Variants in SLC25A48 observed in about 807,000 individuals in gnomAD.
SLC25A48 encodes CTC-321K16.1.
SLC25A48 carries 29 observed loss-of-function variants against 32.2 expected under a neutral mutation model. The ratio of observed to expected loss-of-function variants is 0.90; its 90% CI spans 0.67 to 1.23. The LOEUF is 1.23. Among genes scored for constraint, SLC25A48 ranks in the 50% most tolerant of loss-of-function variants. The pLI is 0.00. For synonymous variants in SLC25A48, 164 were observed against 172.3 expected (o/e 0.95, Z 0.38); for missense variants, 399 against 422.7 (o/e 0.94, Z 0.49).
chr5:135,789,937 G>T lies in SLC25A48; in HGVS notation c.-520-22586G>T, dbSNP rs539505517. ...ACAATATTACAAATAATTTCTCAAG[G>T]TGTACACTCACTGTGACATTAGGAG... On this transcript the variant is annotated intron_variant, in intron 3 of 10. Transcript: ENST00000646290. 1.9e-3 allele frequency among the ~76,000 whole-genome samples: 291 copies of T among 151,976 alleles called. 2 individuals are homozygous for T. Among genetic ancestry groups the T allele is most frequent in the African/African-American group, 6.8e-3 (281 of 41,418 alleles).
intron 3 of SLC25A48, among the ~76,000 whole-genome samples, chr5:135,638,407 G>T (rs921636558): frequency 9.8e-5 from 1 of 10,244 alleles, no homozygotes; most frequent in Non-Finnish European, 2.8e-4. Context: ...TTTGGTAGGT[G>T]GGGGAGGGGA....
intron 4 of SLC25A48, among the ~76,000 whole-genome samples, chr5:135,866,107 G>A (rs1423853150): frequency 2.6e-5 from 4 of 152,152 alleles, no homozygotes; most frequent in Non-Finnish European, 5.9e-5. Flanking sequence ...GTGACCCATA[G>A]GGCCTCATTT....
chr5:135,773,952 G>A (rs757547104), intron 3 of SLC25A48, among the ~76,000 whole-genome samples: 14 of 151,752 alleles, frequency 9.2e-5, no homozygotes, highest in Non-Finnish European at 2.1e-4. Context: ...CCCAGAGGAT[G>A]TAAACTTCCC....
intron 3 of SLC25A48, among the ~76,000 whole-genome samples, chr5:135,679,831 C>T (rs1437527969): frequency 2.0e-5 from 3 of 152,148 alleles, no homozygotes; most frequent in Non-Finnish European, 4.4e-5. Flanking sequence ...CTTGCTGTAG[C>T]TGCTTAGGTG....
intron 3 of SLC25A48, among the ~76,000 whole-genome samples, chr5:135,766,055 G>A (rs752841462): frequency 6.6e-6 from 1 of 151,432 alleles, no homozygotes; most frequent in Admixed American, 6.6e-5. Flanking sequence ...CCAAGGATAT[G>A]GTTTATAGTA....
chr5:135,796,537 T>C (rs1025696221), intron 3 of SLC25A48, among the ~76,000 whole-genome samples: 1 of 150,374 alleles, frequency 6.7e-6, no homozygotes, highest in African/African-American at 2.5e-5. Flanking sequence ...TTACTCCCCA[T>C]ATCGTTGAGG....
intron 3 of SLC25A48, among the ~76,000 whole-genome samples, chr5:135,792,036 C>A (rs1157556111): frequency 6.6e-6 from 1 of 151,648 alleles, no homozygotes; most frequent in Non-Finnish European, 1.5e-5. Context: ...GGGTGTTCAC[C>A]TCCTATGTTA....
intron 3 of SLC25A48, among the ~76,000 whole-genome samples, chr5:135,773,878 A>G (rs1395241452): frequency 6.6e-6 from 1 of 151,500 alleles, no homozygotes; most frequent in East Asian, 1.9e-4. Flanking sequence ...CAGGGACTGT[A>G]CACCACCAAT....
chr5:135,797,217 T>C (rs11242295), intron 3 of SLC25A48, among the ~76,000 whole-genome samples: 99,500 of 151,712 alleles, frequency 0.66, 34,606 homozygotes, highest in Non-Finnish European at 0.78. Flanking sequence ...CCCCATGTGA[T>C]ATTGTTTCTA....
rs570958118 is a variant in SLC25A48 at position 135,662,254 on chromosome 5, C to A, written c.-521+27298C>A. ...TCTCATGAAATCAGGATCCTAGTAA[C>A]CCCCTGGCCAGGATACGCTGCCTGC... On this transcript the variant is annotated intron_variant, in intron 3 of 10. Coordinates refer to the SLC25A48 transcript ENST00000646290. Among the ~76,000 whole-genome samples the A allele has an allele frequency of 2.0e-5, 3 of 152,264 alleles. No homozygotes were observed. In the East Asian group the frequency reaches 5.8e-4, roughly 29 times the overall value.
At chr5:135,852,533 C>T (rs370364932) in intron 3 of SLC25A48, 30 bp from the exon 4 acceptor site, 6 of 1,570,052 alleles carry the variant, frequency 3.8e-6, no homozygotes, top group Non-Finnish European at 5.2e-6. Context: ...CCGGGGTCCT[C>T]ACGCCTCTTC....
At chr5:135,742,637 C>T (rs1328354414) in intron 3 of SLC25A48, 5 of 609,920 alleles carry the variant, frequency 8.2e-6, no homozygotes, top group South Asian at 4.3e-5. Context: ...GACCGAACCT[C>T]GAATGTCACT....
intron 3 of SLC25A48, among the ~76,000 whole-genome samples, chr5:135,797,815 T>A (rs1165346014): frequency 6.6e-6 from 1 of 151,516 alleles, no homozygotes; most frequent in Admixed American, 6.6e-5. Context: ...TGATATTGTT[T>A]CTAAAATCAA....
chr5:135,720,389 G>A (rs927053910), intron 3 of SLC25A48, among the ~76,000 whole-genome samples: 6 of 152,230 alleles, frequency 3.9e-5, no homozygotes, highest in Non-Finnish European at 7.3e-5. Flanking sequence ...AGTTGGTGGT[G>A]GGCACCAGGC....
At chr5:135,654,345 A>G (rs1269699357) in intron 3 of SLC25A48, among the ~76,000 whole-genome samples, 1 of 152,196 alleles carries the variant, frequency 6.6e-6, no homozygotes, top group African/African-American at 2.4e-5. Context: ...AATATTCTAT[A>G]AGGCCAGACG....
At chr5:135,721,145 G>A (rs967512375) in intron 3 of SLC25A48, among the ~76,000 whole-genome samples, 8 of 144,344 alleles carry the variant, frequency 5.5e-5, no homozygotes, top group African/African-American at 1.5e-4. Context: ...GGGTTCAAGC[G>A]ATTCTCCTGC....
At chr5:135,788,161 G>A (rs186965546) in intron 3 of SLC25A48, among the ~76,000 whole-genome samples, 42 of 150,596 alleles carry the variant, frequency 2.8e-4, no homozygotes, top group South Asian at 2.3e-3. Context: ...CGTAATGTCC[G>A]GGGTGGGGGG....
chr5:135,703,483 G>A (rs1371437873), intron 3 of SLC25A48, among the ~76,000 whole-genome samples: 5 of 152,160 alleles, frequency 3.3e-5, no homozygotes, highest in Non-Finnish European at 7.4e-5. Flanking sequence ...GCCCTGCCAT[G>A]TTCTAACAGG....
At chr5:135,857,177 G>C (rs1014311834) in intron 4 of SLC25A48, among the ~76,000 whole-genome samples, 16 of 152,168 alleles carry the variant, frequency 1.1e-4, no homozygotes, top group African/African-American at 3.6e-4. Context: ...ACAACTTTTT[G>C]TTCTATCCTC....
Sources: gnomAD v4.1 joint callset for allele counts (sites outside exome capture counted in the v4.1 genomes callset) on GRCh38, gnomAD v4.1.1 for gene constraint, MANE v1.5 for transcripts, NCBI Gene and HGNC (gene_info 2026-07-23, HGNC 2026-07-21) for gene names.